Variants in SLC26A7 observed in about 807,000 individuals in gnomAD.
SLC26A7 encodes solute carrier family 26 member 7.
A neutral mutation model predicts 82.5 loss-of-function variants in SLC26A7; 59 were observed. The observed-to-expected ratio is 0.72, with a 90% CI of 0.58 to 0.89. The LOEUF is 0.89. Among genes scored for constraint, SLC26A7 ranks in the 40% least tolerant of loss-of-function variants. The pLI, the probability that SLC26A7 is intolerant of heterozygous loss-of-function variation, is 0.00. For missense variants in SLC26A7, 820 were observed against 793.0 expected (o/e 1.03, Z -0.41); for synonymous variants, 271 against 274.3 (o/e 0.99, Z 0.12).
intron 2 of SLC26A7, among the ~76,000 whole-genome samples, chr8:91,253,977 A>G (rs1467360131): frequency 6.6e-6 from 1 of 152,124 alleles, no homozygotes; most frequent in Non-Finnish European, 1.5e-5. Flanking sequence ...CTTATGTTTT[A>G]TTATATAAAT....
intron 18 of SLC26A7, chr8:91,394,780 C>A: frequency 9.8e-7 from 1 of 1,018,176 alleles, no homozygotes; most frequent in Non-Finnish European, 1.3e-6. Context: ...ACTGAATTTG[C>A]CATGACCTTA....
chr8:91,326,972 T>G (rs1203077712), intron 5 of SLC26A7, among the ~76,000 whole-genome samples: 1 of 152,096 alleles, frequency 6.6e-6, no homozygotes, highest in African/African-American at 2.4e-5. Flanking sequence ...AGGATACTGA[T>G]CATGGGATTT....
At chr8:91,335,172 A>G (rs779212868) in intron 6 of SLC26A7, among the ~76,000 whole-genome samples, 2 of 152,174 alleles carry the variant, frequency 1.3e-5, no homozygotes, top group African/African-American at 2.4e-5. Flanking sequence ...TTATACATGT[A>G]TATGATAAAT....
At chr8:91,364,691 T>G (rs961049304) in intron 13 of SLC26A7, among the ~76,000 whole-genome samples, 3 of 152,190 alleles carry the variant, frequency 2.0e-5, no homozygotes, top group African/African-American at 7.2e-5. Flanking sequence ...TTGACTATTT[T>G]CAGCTTAAAA....
chr8:91,310,592 T>G (rs1417689615), intron 4 of SLC26A7, among the ~76,000 whole-genome samples: 1 of 151,890 alleles, frequency 6.6e-6, no homozygotes, highest in Non-Finnish European at 1.5e-5. Context: ...ATCTCAAGAG[T>G]TAAGCGAGTG....
chr8:91,295,782 T>C (rs776140577), intron 4 of SLC26A7, 79 bp downstream of exon 4: 3 of 1,424,828 alleles, frequency 2.1e-6, no homozygotes, highest in Non-Finnish European at 2.9e-6. Flanking sequence ...ATTTTTATTC[T>C]TGTTCATGAA....
Position 91,396,682 on chromosome 8 carries a change from T to C in SLC26A7, c.*1585T>C, listed in dbSNP as rs1405233037. The C allele has an allele frequency of 6.6e-6, 1 of 152,052 alleles. No homozygotes were observed. The highest frequency in any genetic ancestry group is 2.4e-5 in the African/African-American group (1 of 41,450). The allele number at this position is 152,052 out of a possible 1,614,324, so 9.4% of individuals were successfully genotyped here. On this transcript the variant is annotated 3_prime_UTR_variant, in exon 19 of 19. Coordinates refer to ENST00000276609, the MANE Select transcript of SLC26A7 (RefSeq NM_052832.4). ...AGCCTCAGTCTCTTTATCACTAACTTGGATTGAAATGAGTGAGGCCAACTC... is the reference window on the plus strand; with the variant it reads ...AGCCTCAGTCTCTTTATCACTAACTCGGATTGAAATGAGTGAGGCCAACTC...
At chr8:91,215,089 C>A (rs541643456) in intron 1 of SLC26A7, among the ~76,000 whole-genome samples, 1 of 151,982 alleles carries the variant, frequency 6.6e-6, no homozygotes, top group Non-Finnish European at 1.5e-5. Flanking sequence ...GATTACATGG[C>A]GCCCACCTAG....
At chr8:91,266,944 T>G (rs1811129177) in intron 2 of SLC26A7, among the ~76,000 whole-genome samples, 1 of 151,982 alleles carries the variant, frequency 6.6e-6, no homozygotes, top group Non-Finnish European at 1.5e-5. Context: ...GTTTTTGTCA[T>G]GAAGCGACAT....
At position 91,343,342 on chromosome 8, in the gene SLC26A7, G is replaced by T; in HGVS notation, c.1027-11G>T. The T allele has an allele frequency of 6.5e-7, 1 of 1,538,082 alleles. No individual in the cohort carries two copies. Among genetic ancestry groups the T allele is most frequent in the Non-Finnish European group, 8.9e-7 (1 of 1,118,918 alleles). On this transcript the variant is annotated splice_polypyrimidine_tract_variant and intron_variant, in intron 8 of 18. Coordinates refer to ENST00000276609, the MANE Select transcript of SLC26A7 (RefSeq NM_052832.4). ...ATTAAGATATTATATATTCTCTCAT[G>T]AATCTTGCAGGAATTTTTGGCCCAT...
At position 91,334,393 on chromosome 8, in the gene SLC26A7, GA is replaced by G; in HGVS notation, c.743del (p.Asn248MetfsTer14). On this transcript the variant is annotated frameshift_variant, in exon 6 of 19. Coordinates refer to ENST00000276609, the MANE Select transcript of SLC26A7 (RefSeq NM_052832.4). LOFTEE classifies it high-confidence loss of function. Reference protein sequence around the residue: ...IVVLVLVKELNEQFKRKIKVV... With the variant: ...IVVLVLVKELXEQFKRKIKVV... ...TGGTCCTTGTTCTTGTTAAAGAGCT[GA>G]ATGAACAGTTTAAAAGGAAAATTAA... 4 of 1,613,286 alleles carry G rather than the reference GA, an allele frequency of 2.5e-6. No homozygotes were observed. Among genetic ancestry groups the G allele is most frequent in the Non-Finnish European group, 2.5e-6 (3 of 1,179,492 alleles).
rs1171417452 is a variant in SLC26A7, at chr8:91,249,912, A to G, written c.193+68A>G. The G allele has an allele frequency of 4.0e-6, 5 of 1,238,252 alleles. No homozygotes were observed. In the East Asian group the frequency reaches 8.0e-5, roughly 20 times the overall value. The allele number at this position is 1,238,252 out of a possible 1,614,324, so 76.7% of individuals were successfully genotyped here. A position where few individuals can be genotyped will look rare whatever the true frequency, so the allele number is the denominator to read the frequency against. ...TGTCACTTTGCTTCCTTGGAATAATACTATGACCTAGAATAAACAATTTAG... is the reference window on the plus strand; with the variant it reads ...TGTCACTTTGCTTCCTTGGAATAATGCTATGACCTAGAATAAACAATTTAG... On this transcript the variant is annotated intron_variant, in intron 2 of 18. Transcript: ENST00000276609.
intron 6 of SLC26A7, among the ~76,000 whole-genome samples, chr8:91,335,290 C>T (rs552950079): frequency 3.9e-5 from 6 of 152,128 alleles, no homozygotes; most frequent in South Asian, 2.1e-4. Flanking sequence ...ATTAAGGCTA[C>T]GACTCATTTC....
chr8:91,391,465 G>A (rs1260018203), intron 16 of SLC26A7, among the ~76,000 whole-genome samples: 1 of 152,146 alleles, frequency 6.6e-6, no homozygotes, highest in Non-Finnish European at 1.5e-5. Flanking sequence ...TCTCCCCACC[G>A]AATATATTTT....
chr8:91,343,445 C>T lies in SLC26A7; in HGVS notation c.1119C>T (p.Tyr373=), dbSNP rs1012496600. ...AAAMGRTAGL[Y]STGAKTQVAC... is the part of the protein sequence containing the mutation. ...CCATGGGAAGGACGGCTGGCCTGTACAGCACAGGAGCGAAGACACAGGTAA... is the reference window on the plus strand; with the variant it reads ...CCATGGGAAGGACGGCTGGCCTGTATAGCACAGGAGCGAAGACACAGGTAA... The change falls in exon 9 of 19, where the codon TAC becomes TAT. Residue 373 remains tyrosine (Y), a synonymous_variant. Transcript: ENST00000276609. The T allele has an allele frequency of 1.2e-6, 2 of 1,611,974 alleles. No individual in the cohort carries two copies. The highest frequency in any genetic ancestry group is 2.7e-5 in the African/African-American group (2 of 74,926).
At chr8:91,391,930 A>G (rs1401128122) in intron 16 of SLC26A7, among the ~76,000 whole-genome samples, 1 of 152,164 alleles carries the variant, frequency 6.6e-6, no homozygotes, top group East Asian at 1.9e-4. Context: ...ACTTAGGGTT[A>G]ATAAAGAAAG....
At chr8:91,309,897 A>G (rs117797926) in intron 4 of SLC26A7, among the ~76,000 whole-genome samples, 2,967 of 152,182 alleles carry the variant, frequency 0.019, 35 homozygotes, top group Non-Finnish European at 0.03. Context: ...AGTCATATGC[A>G]TGCTAACTCG....
chr8:91,211,697 AAACTT>A (rs1809928025), intron 1 of SLC26A7, among the ~76,000 whole-genome samples: 1 of 150,990 alleles, frequency 6.6e-6, no homozygotes, highest in Non-Finnish European at 1.5e-5. Flanking sequence ...TTCAGAAACT[AAACTT>A]AGAGACTGCT....
At chr8:91,253,064 A>T (rs1810703442) in intron 2 of SLC26A7, among the ~76,000 whole-genome samples, 1 of 152,132 alleles carries the variant, frequency 6.6e-6, no homozygotes, top group African/African-American at 2.4e-5. Context: ...CTCCATTCGA[A>T]CCAGAACTAT....
Sources: gnomAD v4.1 joint callset for allele counts (sites outside exome capture counted in the v4.1 genomes callset) on GRCh38, gnomAD v4.1.1 for gene constraint, MANE v1.5 for transcripts, NCBI Gene and HGNC (gene_info 2026-07-23, HGNC 2026-07-21) for gene names.